SEMA6A: variants seen among roughly 807,000 people sequenced by gnomAD.
SEMA6A encodes semaphorin-6A.
In SEMA6A, 25 loss-of-function variants were observed where a neutral mutation model predicts 96.8. That is an observed-to-expected ratio of 0.26 (90% CI 0.19 to 0.36). The LOEUF (loss-of-function observed/expected upper bound fraction) is 0.36. Among genes scored for constraint, SEMA6A ranks in the 10% least tolerant of loss-of-function variants. The pLI is 1.00. For synonymous variants in SEMA6A, 612 were observed against 518.0 expected (o/e 1.18, Z -2.46); for missense variants, 1,363 against 1,323.1 (o/e 1.03, Z -0.47).
intron 18 of SEMA6A, among the ~76,000 whole-genome samples, chr5:116,450,525 TATC>T (rs1415740024): frequency 6.6e-6 from 1 of 152,224 alleles, no homozygotes; most frequent in African/African-American, 2.4e-5. Flanking sequence ...AGCTCCCAAA[TATC>T]ATTCTTCTTT....
intron 18 of SEMA6A, among the ~76,000 whole-genome samples, chr5:116,456,815 C>T (rs1755038325): frequency 1.3e-5 from 2 of 152,190 alleles, no homozygotes; most frequent in Admixed American, 1.3e-4. Context: ...AGGCCTGCAT[C>T]TAATATCATC....
rs77196415 is a variant in SEMA6A at position 116,533,257 on chromosome 5, C to CT, written c.-38-28276dup. Among the ~76,000 whole-genome samples, 849 of 140,852 alleles carry CT rather than the reference C, an allele frequency of 6.0e-3. 6 individuals carry two copies. The highest frequency in any genetic ancestry group is 0.026 in the East Asian group (127 of 4,904). 92.4% of individuals were successfully genotyped at this position (140,852 alleles called of 152,430 possible). A position where few individuals can be genotyped will look rare whatever the true frequency, so the allele number is the denominator to read the frequency against. ...TCATAGATTTCCTTCTTTGTTTTTC[C>CT]TTTTTTTTTTTTTTTCCACTAGTCG... is the stretch of plus-strand genomic sequence containing the variant. On this transcript the variant is annotated intron_variant, in intron 1 of 18. Transcript: ENST00000343348.
Position 116,486,897 on chromosome 5 carries a change from G to C in SEMA6A, c.814C>G (p.Gln272Glu). The C allele has an allele frequency of 1.2e-6, 2 of 1,613,790 alleles. No homozygotes were observed. Among genetic ancestry groups the C allele is most frequent in the Non-Finnish European group, 8.5e-7 (1 of 1,179,796 alleles). ...CGCGCCTTCAGGAACGACGTCCACT[G>C]TTTCTCCAGGACTCTTTGAGATCCT... ...MGGSQRVLEK[Q>E]WTSFLKARLN... The change falls in exon 10 of 19, where the codon CAG becomes GAG. Residue 272 changes from glutamine (Q) to glutamate (E), a missense_variant. Transcript: ENST00000343348.
chr5:116,454,036 CCT>C (rs1491275930), intron 18 of SEMA6A, among the ~76,000 whole-genome samples: 1 of 152,108 alleles, frequency 6.6e-6, no homozygotes, highest in African/African-American at 2.4e-5. Flanking sequence ...TGCACTTTCC[CCT>C]CTCACCCCCT....
At chr5:116,513,068 C>G (rs1758494290) in intron 1 of SEMA6A, among the ~76,000 whole-genome samples, 2 of 151,830 alleles carry the variant, frequency 1.3e-5, no homozygotes, top group African/African-American at 4.8e-5. Flanking sequence ...TTGATACAGA[C>G]ATGCAATGCA....
intron 2 of SEMA6A, among the ~76,000 whole-genome samples, chr5:116,504,481 C>T (rs897502000): frequency 2.0e-5 from 3 of 152,178 alleles, no homozygotes; most frequent in Non-Finnish European, 4.4e-5. Flanking sequence ...TATTTTGCAA[C>T]AGTCCGGATA....
At chr5:116,495,156 T>C (rs149136034) in intron 6 of SEMA6A, among the ~76,000 whole-genome samples, 98 of 152,334 alleles carry the variant, frequency 6.4e-4, no homozygotes, top group African/African-American at 2.3e-3. Context: ...GTCAGTCTTC[T>C]GAACAATAGA....
intron 18 of SEMA6A, among the ~76,000 whole-genome samples, chr5:116,466,285 G>A (rs1184314737): frequency 6.6e-6 from 1 of 151,550 alleles, no homozygotes; most frequent in Admixed American, 6.6e-5. Context: ...AGCTGAGGCA[G>A]GGAGAATCTC....
chr5:116,570,342 A>AGTG (rs1359095518), intron 1 of SEMA6A, among the ~76,000 whole-genome samples: 3 of 142,258 alleles, frequency 2.1e-5, no homozygotes, highest in Admixed American at 1.4e-4. Flanking sequence ...ACCCCAAGAG[A>AGTG]GTGGGGGGGG....
chr5:116,517,946 A>G (rs73254677), intron 1 of SEMA6A, among the ~76,000 whole-genome samples: 12,194 of 152,230 alleles, frequency 0.08, 969 homozygotes, highest in African/African-American at 0.2. Flanking sequence ...TTTCTCCCCA[A>G]TGGAATATGC....
At chr5:116,541,323 G>T (rs192883936) in intron 1 of SEMA6A, among the ~76,000 whole-genome samples, 1 of 152,096 alleles carries the variant, frequency 6.6e-6, no homozygotes, top group South Asian at 2.1e-4. Context: ...GGTAAGAGGG[G>T]TAAGAATCAC....
At chr5:116,499,672 TCAATGCTA>T (rs1757780169) in intron 3 of SEMA6A, among the ~76,000 whole-genome samples, 1 of 152,234 alleles carries the variant, frequency 6.6e-6, no homozygotes, top group African/African-American at 2.4e-5. Context: ...AACAAACATG[TCAATGCTA>T]CAGTGATACA....
At chr5:116,463,959 T>C (rs1257090012) in intron 18 of SEMA6A, among the ~76,000 whole-genome samples, 1 of 152,328 alleles carries the variant, frequency 6.6e-6, no homozygotes, top group East Asian at 1.9e-4. Flanking sequence ...CATAGACTTC[T>C]TGGAAATCAG....
chr5:116,517,303 A>G (rs976731085), intron 1 of SEMA6A, among the ~76,000 whole-genome samples: 10 of 152,098 alleles, frequency 6.6e-5, no homozygotes, highest in Non-Finnish European at 1.5e-4. Flanking sequence ...CAAAAAAAAA[A>G]AAGATTGGGA....
At position 116,502,269 on chromosome 5, in the gene SEMA6A, CCT is replaced by C; in HGVS notation, c.157_158del (p.Arg53AlafsTer20). ...GHKPGRNTTQ[R>X]HRLDIQMIMI... ...TAATCATCTGGATGTCCAGCCTGTG[CCT>C]CTGTGTGGTGTTCCGTCCTGGCTTG... On this transcript the variant is annotated frameshift_variant, in exon 3 of 19. Coordinates refer to ENST00000343348, the MANE Select transcript of SEMA6A (RefSeq NM_020796.5). LOFTEE classifies it high-confidence loss of function. 1.2e-6 allele frequency: 2 copies of C among 1,613,978 alleles called. No individual in the cohort carries two copies. Among genetic ancestry groups the C allele is most frequent in the Non-Finnish European group, 8.5e-7 (1 of 1,179,874 alleles).
intron 3 of SEMA6A, among the ~76,000 whole-genome samples, 164 bp downstream of exon 3, chr5:116,502,042 CACAG>C (rs1231890387): frequency 6.6e-6 from 1 of 152,166 alleles, no homozygotes; most frequent in African/African-American, 2.4e-5. Context: ...GTTAAACAGA[CACAG>C]ACAATTTTGA....
At chr5:116,506,269 C>G (rs1309039220) in intron 1 of SEMA6A, among the ~76,000 whole-genome samples, 1 of 152,220 alleles carries the variant, frequency 6.6e-6, no homozygotes, top group Non-Finnish European at 1.5e-5. Context: ...ACAGCTGGGT[C>G]TTAATCATTT....
At chr5:116,461,969 G>A (rs1755433522) in intron 18 of SEMA6A, among the ~76,000 whole-genome samples, 2 of 152,104 alleles carry the variant, frequency 1.3e-5, no homozygotes, top group African/African-American at 4.8e-5. Flanking sequence ...CTGAAGAAAT[G>A]GCAGAGAAAA....
intron 1 of SEMA6A, among the ~76,000 whole-genome samples, chr5:116,523,939 CT>C (rs1759087693): frequency 1.3e-5 from 2 of 152,180 alleles, no homozygotes; most frequent in South Asian, 4.1e-4. Flanking sequence ...ATTCAAAAAC[CT>C]TTACTTGTGC....
Sources: allele counts gnomAD v4.1 joint callset (sites outside exome capture counted in the v4.1 genomes callset), GRCh38; gene constraint gnomAD v4.1.1; transcripts MANE v1.5; gene names NCBI Gene and HGNC (gene_info 2026-07-23, HGNC 2026-07-21).